The following NPC1 variants were observed in gnomAD, a reference collection of about 807,000 sequenced individuals.
NPC1 encodes NPC intracellular cholesterol transporter 1.
NPC1 carries 85 observed loss-of-function variants against 140.4 expected under a neutral mutation model. That is an observed-to-expected ratio of 0.61 (90% CI 0.51 to 0.72). The LOEUF (loss-of-function observed/expected upper bound fraction) is 0.72, where lower values mean the gene tolerates loss of function less well. Ranked by LOEUF, NPC1 falls within the 30% of genes least tolerant of loss-of-function variation. The pLI is 0.00. For synonymous variants in NPC1, 656 were observed against 624.8 expected (o/e 1.05, Z -0.74); for missense variants, 1,504 against 1,623.8 (o/e 0.93, Z 1.27).
chr18:23,544,137 T>A (rs1003552136), intron 13 of NPC1, among the ~76,000 whole-genome samples: 3 of 152,140 alleles, frequency 2.0e-5, no homozygotes, highest in Non-Finnish European at 4.4e-5. Flanking sequence ...AATTCTTACT[T>A]TATATCTACT....
chr18:23,568,062 ATTT>A (rs891406348), intron 4 of NPC1, among the ~76,000 whole-genome samples: 1 of 152,146 alleles, frequency 6.6e-6, no homozygotes, highest in Non-Finnish European at 1.5e-5. Context: ...TACACAATTG[ATTT>A]TTTTATTTTC....
chr18:23,525,449 G>A (rs1173185503), downstream of NPC1, among the ~76,000 whole-genome samples: 2 of 151,666 alleles, frequency 1.3e-5, no homozygotes, highest in African/African-American at 4.9e-5. Context: ...ATTTTGAGAC[G>A]GAATCTCGCT....
chr18:23,543,590 ATTATGCGACATT>A, intron 13 of NPC1, 21 bp from the exon 14 acceptor site: 25 of 1,092,876 alleles, frequency 2.3e-5, no homozygotes, highest in Non-Finnish European at 3.2e-5. Flanking sequence ...AAAAAAAAAA[ATTATGCGACATT>A]AAAATTTCTC....
intron 17 of NPC1, 113 bp downstream of exon 17, chr18:23,540,335 C>T (rs994160162): frequency 1.3e-6 from 1 of 752,646 alleles, no homozygotes; most frequent in Admixed American, 2.2e-5. Flanking sequence ...ACCCTGTCAC[C>T]ATTTGCAGTT....
chr18:23,538,518 A>G, intron 20 of NPC1, 24 bp downstream of exon 20: 1 of 1,614,056 alleles, frequency 6.2e-7, no homozygotes, highest in South Asian at 1.1e-5. Context: ...GTGGATGCTT[A>G]TCTGCAATGG....
At chr18:23,529,102 G>GTC (rs1305544026), downstream of NPC1, 8 of 1,547,014 alleles carry the variant, frequency 5.2e-6, no homozygotes, top group Admixed American at 1.2e-4. Context: ...GAAGAATTCA[G>GTC]TCCTTGTGGA....
In NPC1 at chr18:23,544,913, G is replaced by A. The variant is rs200667921; in HGVS notation, c.1947+47C>T. The A allele has an allele frequency of 1.2e-3, 1,540 of 1,297,858 alleles. 10 individuals carry two copies. Among genetic ancestry groups the A allele is most frequent in the South Asian group, 2.4e-3 (202 of 83,912 alleles). The allele number at this position is 1,297,858 out of a possible 1,614,324, so 80.4% of individuals were successfully genotyped here. ...AGGCAAAAATATGACGTTACACTGT[G>A]CACTGCTGTTAACCTCTAGAACATA... On this transcript the variant is annotated intron_variant, in intron 12 of 24. Transcript: ENST00000269228.
At position 23,545,166 on chromosome 18, in the gene NPC1, A is replaced by C. The variant is rs1444886499; in HGVS notation, c.1758-17T>G. 2.7e-5 allele frequency: 43 copies of C among 1,567,146 alleles called. No individual in the cohort carries two copies. Among genetic ancestry groups the C allele is most frequent in the Non-Finnish European group, 3.8e-5 (43 of 1,137,274 alleles). On this transcript the variant is annotated splice_polypyrimidine_tract_variant and intron_variant, in intron 11 of 24. Coordinates refer to ENST00000269228, the MANE Select transcript of NPC1 (RefSeq NM_000271.5). ...TTAATAAACCTAAAAGGTAAGCAAA[A>C]TGTTATATTTTTAGTTAAACTAACT...
intron 11 of NPC1, among the ~76,000 whole-genome samples, chr18:23,545,883 C>T (rs1489030387): frequency 2.0e-5 from 3 of 152,216 alleles, no homozygotes; most frequent in Non-Finnish European, 2.9e-5. Context: ...GCACCATGCC[C>T]AGCCACTGCA....
At chr18:23,585,495 C>T (rs2059407005) in intron 1 of NPC1, among the ~76,000 whole-genome samples, 1 of 152,210 alleles carries the variant, frequency 6.6e-6, no homozygotes, top group African/African-American at 2.4e-5. Flanking sequence ...TTAATGTGCA[C>T]AAGGACACAA....
intron 9 of NPC1, among the ~76,000 whole-genome samples, chr18:23,553,903 AG>A (rs1394733826): frequency 6.6e-6 from 1 of 152,200 alleles, no homozygotes; most frequent in Admixed American, 6.5e-5. Flanking sequence ...AACTCCTCAG[AG>A]GGAGGCTGCC....
chr18:23,570,432 A>G (rs1366555831), intron 3 of NPC1, among the ~76,000 whole-genome samples: 1 of 152,224 alleles, frequency 6.6e-6, no homozygotes, highest in Admixed American at 6.5e-5. Context: ...ATCAATGTTC[A>G]CAAGCCTTTC....
chr18:23,583,106 CAAAAAAAAAAAA>C (rs3083464), intron 1 of NPC1, among the ~76,000 whole-genome samples: 1 of 110,010 alleles, frequency 9.1e-6, no homozygotes, highest in Non-Finnish European at 1.7e-5. Context: ...GACCCTGTTT[CAAAAAAAAAAAA>C]AAAAAAAAGA....
intron 9 of NPC1, 115 bp downstream of exon 9, chr18:23,554,643 C>CA: frequency 1.3e-6 from 1 of 757,398 alleles, no homozygotes; most frequent in Non-Finnish European, 2.3e-6. Flanking sequence ...CTTCACAGGG[C>CA]AAGGTCTTGT....
chr18:23,555,806 G>A (rs1191531991), intron 8 of NPC1, among the ~76,000 whole-genome samples: 1 of 152,190 alleles, frequency 6.6e-6, no homozygotes, highest in Admixed American at 6.5e-5. Context: ...ATCAGGGATG[G>A]TAATCTGGCA....
Position 23,541,572 on chromosome 18 carries a change from T to C in NPC1, c.2246-139A>G. 2.7e-6 allele frequency: 3 copies of C among 1,116,208 alleles called. No homozygotes were observed. In the South Asian group the frequency reaches 4.0e-5, roughly 15 times the overall value. The allele number at this position is 1,116,208 out of a possible 1,614,324, so 69.1% of individuals were successfully genotyped here. A position where few individuals can be genotyped will look rare whatever the true frequency, so the allele number is the denominator to read the frequency against. ...GAGAAGGCATGCTGCGGCTGGACAT[T>C]ACACCAGAAGTGGGACAGGAGGTGA... is the stretch of plus-strand genomic sequence containing the variant. On this transcript the variant is annotated intron_variant, in intron 14 of 24. Coordinates refer to ENST00000269228, the MANE Select transcript of NPC1 (RefSeq NM_000271.5).
chr18:23,539,174 T>G (rs1001270869), intron 19 of NPC1, among the ~76,000 whole-genome samples, 181 bp downstream of exon 19: 2 of 152,156 alleles, frequency 1.3e-5, no homozygotes, highest in African/African-American at 2.4e-5. Context: ...AGGGTGGCTG[T>G]CTGAGCCAGG....
At chr18:23,535,307 C>CA (rs1203148871) in intron 22 of NPC1, among the ~76,000 whole-genome samples, 162 bp downstream of exon 22, 3 of 151,974 alleles carry the variant, frequency 2.0e-5, no homozygotes, top group African/African-American at 7.3e-5. Context: ...CACCACCATC[C>CA]AGCACTCCTC....
downstream of NPC1, among the ~76,000 whole-genome samples, chr18:23,519,385 G>A (rs2058088523): frequency 6.6e-6 from 1 of 152,150 alleles, no homozygotes; most frequent in South Asian, 2.1e-4. Context: ...GGGCGTGGTA[G>A]TGCACGCCTA....
Sources: gnomAD v4.1 joint callset for allele counts (sites outside exome capture counted in the v4.1 genomes callset) on GRCh38, gnomAD v4.1.1 for gene constraint, MANE v1.5 for transcripts, NCBI Gene and HGNC (gene_info 2026-07-23, HGNC 2026-07-21) for gene names.